SYT1: variants seen among roughly 807,000 people sequenced by gnomAD.
SYT1 encodes the protein synaptotagmin-1.
In SYT1, 8 loss-of-function variants were observed where a neutral mutation model predicts 44.8. The ratio of observed to expected loss-of-function variants is 0.18; its 90% CI spans 0.10 to 0.32. The LOEUF (loss-of-function observed/expected upper bound fraction) is 0.32. Among genes scored for constraint, SYT1 ranks in the 10% least tolerant of loss-of-function variants. The pLI, the probability that SYT1 is intolerant of heterozygous loss-of-function variation, is 1.00. For missense variants in SYT1, 286 were observed against 509.3 expected (o/e 0.56, Z 4.22); for synonymous variants, 154 against 188.8 (o/e 0.82, Z 1.51).
intron 4 of SYT1, among the ~76,000 whole-genome samples, chr12:79,266,009 G>A (rs1384675244): frequency 2.0e-5 from 3 of 152,112 alleles, no homozygotes; most frequent in Admixed American, 2.0e-4. Context: ...AAATAATCTG[G>A]AAAAGTTGAT....
chr12:79,064,036 C>A (rs1433127815), intron 3 of SYT1, among the ~76,000 whole-genome samples: 1 of 152,092 alleles, frequency 6.6e-6, no homozygotes, highest in Non-Finnish European at 1.5e-5. Context: ...CTTATCCCTA[C>A]CATTCCGGAG....
intron 1 of SYT1, among the ~76,000 whole-genome samples, chr12:78,887,217 A>G (rs1173885090): frequency 6.6e-6 from 1 of 151,988 alleles, no homozygotes; most frequent in Non-Finnish European, 1.5e-5. Flanking sequence ...CCAGGACATG[A>G]GTCATCTCTT....
chr12:79,112,166 T>G (rs1879050132), intron 3 of SYT1, among the ~76,000 whole-genome samples: 1 of 151,946 alleles, frequency 6.6e-6, no homozygotes, highest in African/African-American at 2.4e-5. Flanking sequence ...CATGAGGAAT[T>G]TAAAAGAGGG....
At chr12:79,338,591 T>A (rs1175659403) in intron 8 of SYT1, among the ~76,000 whole-genome samples, 1 of 149,926 alleles carries the variant, frequency 6.7e-6, no homozygotes, top group Non-Finnish European at 1.5e-5. Flanking sequence ...TTTCTCTTTT[T>A]TTTTTCTTCA....
intron 1 of SYT1, among the ~76,000 whole-genome samples, chr12:78,906,981 G>A (rs12317495): frequency 0.77 from 117,712 of 152,056 alleles, 46,310 homozygotes; most frequent in African/African-American, 0.91. Context: ...AACTTTTGAT[G>A]TAAATTATTT....
At chr12:79,274,658 G>A (rs1878618164) in intron 4 of SYT1, among the ~76,000 whole-genome samples, 2 of 152,176 alleles carry the variant, frequency 1.3e-5, no homozygotes, top group East Asian at 1.9e-4. Context: ...GAGTTCGATG[G>A]CCCCACCCAT....
rs543180806 is a variant in SYT1 at position 79,276,235 on chromosome 12, C to T, written c.167-9552C>T. 5.3e-5 allele frequency among the ~76,000 whole-genome samples: 8 copies of T among 152,002 alleles called. No individual in the cohort carries two copies. In the East Asian group the frequency reaches 1.5e-3, roughly 29 times the overall value. On this transcript the variant is annotated intron_variant, in intron 4 of 10. Transcript: ENST00000261205. ...AAATCAAATGAAATCTTTGGAATACCAGATAAAGAATTCAAAAAATTGATT... is the reference window on the plus strand; with the variant it reads ...AAATCAAATGAAATCTTTGGAATACTAGATAAAGAATTCAAAAAATTGATT...
chr12:79,152,225 C>CCAGAT (rs1870316006), intron 3 of SYT1, among the ~76,000 whole-genome samples: 1 of 152,074 alleles, frequency 6.6e-6, no homozygotes. Flanking sequence ...AACCAGACTT[C>CCAGAT]AATGGGTCAA....
chr12:79,281,142 A>G (rs1180551787), intron 4 of SYT1, among the ~76,000 whole-genome samples: 1 of 152,160 alleles, frequency 6.6e-6, no homozygotes, highest in Non-Finnish European at 1.5e-5. Flanking sequence ...CAGCAATCCC[A>G]CTAATGGATA....
chr12:79,154,886 G>C (rs1870501405), intron 3 of SYT1, among the ~76,000 whole-genome samples: 1 of 152,100 alleles, frequency 6.6e-6, no homozygotes, highest in African/African-American at 2.4e-5. Context: ...GCACCACTTA[G>C]AGGTGCTTAT....
At chr12:79,308,647 A>G (rs538923644) in intron 8 of SYT1, among the ~76,000 whole-genome samples, 1 of 117,330 alleles carries the variant, frequency 8.5e-6, no homozygotes, top group South Asian at 2.4e-4. Context: ...AAAGAAAGAA[A>G]GAAAGAAAGA....
chr12:79,138,611 C>T (rs749406289), intron 3 of SYT1, among the ~76,000 whole-genome samples: 3 of 152,158 alleles, frequency 2.0e-5, no homozygotes, highest in African/African-American at 7.2e-5. Flanking sequence ...ATGCAATTCA[C>T]AGGATTAAAT....
intron 3 of SYT1, among the ~76,000 whole-genome samples, chr12:79,093,476 A>G (rs1004375242): frequency 3.3e-5 from 5 of 151,738 alleles, no homozygotes; most frequent in African/African-American, 4.8e-5. Context: ...AAAATGCAAA[A>G]TCTATCAATA....
chr12:79,352,117 G>C (rs539601722), intron 8 of SYT1, among the ~76,000 whole-genome samples: 12 of 149,534 alleles, frequency 8.0e-5, no homozygotes, highest in Non-Finnish European at 1.5e-4. Flanking sequence ...CTCACACATT[G>C]AATGTATTAC....
At position 79,005,926 on chromosome 12, in the gene SYT1, C is replaced by G. The variant is rs1333405791; in HGVS notation, c.-84+27995C>G. Among the ~76,000 whole-genome samples, 5 of 152,208 alleles carry G rather than the reference C, an allele frequency of 3.3e-5. No homozygotes were observed. The South Asian group carries it at 1.0e-3, about 32-fold the overall frequency. On this transcript the variant is annotated intron_variant, in intron 2 of 10. Coordinates refer to ENST00000261205, the MANE Select transcript of SYT1 (RefSeq NM_005639.3). The stretch of plus-strand genomic sequence containing the variant: ...CACTCATGGGTTAGAATCAGATACC[C>G]AAAGGAGTATTGCCATTTGGATAGG...
At chr12:79,279,759 A>G (rs1329543319) in intron 4 of SYT1, among the ~76,000 whole-genome samples, 3 of 151,892 alleles carry the variant, frequency 2.0e-5, no homozygotes, top group Admixed American at 2.0e-4. Flanking sequence ...GAAAACCCCA[A>G]AGACTCCTAG....
chr12:79,434,748 G>A (rs942981268), intron 9 of SYT1, among the ~76,000 whole-genome samples: 1 of 152,106 alleles, frequency 6.6e-6, no homozygotes, highest in South Asian at 2.1e-4. Context: ...ATAAGTGCAG[G>A]CACACACAAG....
At chr12:78,928,988 C>T (rs868064276) in intron 1 of SYT1, among the ~76,000 whole-genome samples, 10 of 151,550 alleles carry the variant, frequency 6.6e-5, no homozygotes, top group Non-Finnish European at 8.8e-5. Flanking sequence ...TTGAACTGTG[C>T]GAATCTTCTT....
At chr12:79,273,421 A>G (rs1878540079) in intron 4 of SYT1, among the ~76,000 whole-genome samples, 1 of 152,074 alleles carries the variant, frequency 6.6e-6, no homozygotes, top group African/African-American at 2.4e-5. Flanking sequence ...CACATTGTGA[A>G]CTTTTATCCA....
Sources: allele counts gnomAD v4.1 joint callset (sites outside exome capture counted in the v4.1 genomes callset), GRCh38; gene constraint gnomAD v4.1.1; transcripts MANE v1.5; gene names NCBI Gene and HGNC (gene_info 2026-07-23, HGNC 2026-07-21).